The following FLG variants were observed in gnomAD, a reference collection of about 807,000 sequenced individuals.
FLG encodes epidermal filaggrin.
Under a neutral mutation model 3.8 loss-of-function variants are expected in FLG, and 6 were observed. The observed-to-expected ratio is 1.60, with a 90% CI of 0.87 to 3.15. The LOEUF (loss-of-function observed/expected upper bound fraction) is 3.15. Among genes scored for constraint, FLG ranks in the 30% most tolerant of loss-of-function variants. The pLI, the probability that FLG is intolerant of heterozygous loss-of-function variation, is 0.00. For missense variants in FLG, 7,595 were observed against 5,050.9 expected (o/e 1.50, Z -15.27); for synonymous variants, 2,551 against 1,931.6 (o/e 1.32, Z -8.41).
Position 152,309,170 on chromosome 1 carries a change from A to T in FLG, c.5716T>A (p.Ser1906Thr). Reference sequence around the variant, plus strand: ...TGGTTCCTGCTTGTCCTGGGCCCTGATGATTGTCCCTGGCCCACCTGCGAG... The same window carrying T: ...TGGTTCCTGCTTGTCCTGGGCCCTGTTGATTGTCCCTGGCCCACCTGCGAG... ...RHSQVGQGQSSGPRTSRNQGS... is the reference protein window; with the variant it reads ...RHSQVGQGQSTGPRTSRNQGS... The change falls in exon 3 of 3, where the codon TCA becomes ACA. Residue 1906 changes from serine to threonine, a missense_variant. Ser to Thr is a moderately conservative substitution (Grantham distance 58). Transcript: ENST00000368799. 2 of 1,583,886 alleles carry T rather than the reference A, an allele frequency of 1.3e-6. No individual in the cohort carries two copies. The highest frequency in any genetic ancestry group is 1.7e-6 in the Non-Finnish European group (2 of 1,169,808).
Position 152,308,380 on chromosome 1 carries a change from C to G in FLG, c.6506G>C (p.Ser2169Thr). 6.2e-7 allele frequency: 1 copy of G among 1,613,668 alleles called. No homozygotes were observed. Among genetic ancestry groups the G allele is most frequent in the Admixed American group, 1.7e-5 (1 of 59,974 alleles). ...AGACCTTCCCTGGGATGTGGTGTGG[C>G]TGTGATGAGACCCTGAGTGTCCAGA... is the stretch of plus-strand genomic sequence containing the variant. ...DRSGHSGSHH[S>T]HTTSQGRSDA... is the part of the protein sequence containing the mutation. Residue 2169 changes from serine to threonine, a missense_variant, in exon 3 of 3, where the codon AGC (serine) becomes ACC (threonine). Ser to Thr is a moderately conservative substitution (Grantham distance 58). Coordinates refer to ENST00000368799, the MANE Select transcript of FLG (RefSeq NM_002016.2).
Position 152,303,302 on chromosome 1 carries a change from T to G in FLG, c.11584A>C (p.Ser3862Arg), listed in dbSNP as rs1651715020. The change falls in exon 3 of 3, where the codon AGT becomes CGT. Residue 3862 changes from serine (S) to arginine (R), a missense_variant. By Grantham distance (110) the Ser-to-Arg change is moderately radical. Coordinates refer to ENST00000368799, the MANE Select transcript of FLG (RefSeq NM_002016.2). ...TCACTGTCACTGTCCTGGCTAACAC[T>G]GGATCCCTGGCGCCTGCTTCTCCTG... ...GSRRSRRQGSSVSQDSDSEAY... is the reference protein window; with the variant it reads ...GSRRSRRQGSRVSQDSDSEAY... 1 of 1,614,104 alleles carries G rather than the reference T, an allele frequency of 6.2e-7. No individual in the cohort carries two copies.
intron 1 of FLG, among the ~76,000 whole-genome samples, chr1:152,320,377 C>T (rs1270418303): frequency 2.0e-5 from 3 of 150,660 alleles, no homozygotes; most frequent in African/African-American, 7.3e-5. Context: ...TTATAAGAGA[C>T]ACACATAAAA....
chr1:152,310,501 G>C lies in FLG; in HGVS notation c.4385C>G (p.Thr1462Ser). 6.2e-7 allele frequency: 1 copy of C among 1,613,856 alleles called. No homozygotes were observed. Among genetic ancestry groups the C allele is most frequent in the African/African-American group, 1.3e-5 (1 of 74,948 alleles). The change falls in exon 3 of 3, where the codon ACT becomes AGT. Residue 1462 changes from threonine to serine, a missense_variant. Coordinates refer to ENST00000368799, the MANE Select transcript of FLG (RefSeq NM_002016.2). ...ATGGCGGGATCCTTGTCTTCCTCCA[G>C]TGCTGGGTGCAGTCTGTCCGTGTGT... The part of the protein sequence containing the change: ...ESTHGQTAPS[T>S]GGRQGSRHEQ...
Position 152,309,510 on chromosome 1 carries a change from G to T in FLG, c.5376C>A (p.Ser1792=), listed in dbSNP as rs1328728912. The change falls in exon 3 of 3, where the codon TCC becomes TCA. Residue 1792 remains serine, a synonymous_variant. Coordinates refer to ENST00000368799, the MANE Select transcript of FLG (RefSeq NM_002016.2). ...AGCTGTCTCGTGCCTGCTCGTGGCG[G>T]GATCTTTGTCTTCCTCCAGTGCTGG... ...TGPSTGGRQR[S]RHEQARDSSR... 11 of 1,613,748 alleles carry T rather than the reference G, an allele frequency of 6.8e-6. No individual in the cohort carries two copies. Among genetic ancestry groups the T allele is most frequent in the East Asian group, 4.5e-5 (2 of 44,814 alleles).
At position 152,308,357 on chromosome 1, in the gene FLG, A is replaced by G. The variant is rs768900373; in HGVS notation, c.6529T>C (p.Ser2177Pro). ...CCTGACTGCCCACGGGAGGCATCAG[A>G]CCTTCCCTGGGATGTGGTGTGGCTG... ...HHSHTTSQGR[S>P]DASRGQSGSR... The change falls in exon 3 of 3, where the codon TCT becomes CCT. Residue 2177 changes from serine to proline, a missense_variant. By Grantham distance (74) the Ser-to-Pro change is moderately conservative. Transcript: ENST00000368799. The G allele has an allele frequency of 2.0e-4, 329 of 1,612,166 alleles. No homozygotes were observed. The Admixed American group carries it at 5.4e-3, about 27-fold the overall frequency.
rs1317545176 is a variant in FLG, at chr1:152,309,031, T to A, written c.5855A>T (p.Asp1952Val). Residue 1952 changes from aspartate to valine, a missense_variant, in exon 3 of 3, where the codon GAT (aspartate) becomes GTT (valine). Coordinates refer to ENST00000368799, the MANE Select transcript of FLG (RefSeq NM_002016.2). The stretch of plus-strand genomic sequence containing the variant: ...ATGGGACCCAGGGTGTCTGGAGCCA[T>A]CTCTTGACTGCTCCCAAGCAGATCC... ...HLGSAWEQSRDGSRHPGSHHE... is the reference protein window; with the variant it reads ...HLGSAWEQSRVGSRHPGSHHE... 6.8e-6 allele frequency: 11 copies of A among 1,614,164 alleles called. No individual in the cohort carries two copies. Among genetic ancestry groups the A allele is most frequent in the Non-Finnish European group, 9.3e-6 (11 of 1,180,020 alleles).
Position 152,305,136 on chromosome 1 carries a change from G to A in FLG, c.9750C>T (p.Gly3250=), listed in dbSNP as rs149040723. Residue 3250 remains glycine, a synonymous_variant, in exon 3 of 3, where the codon GGC becomes GGT. Coordinates refer to ENST00000368799, the MANE Select transcript of FLG (RefSeq NM_002016.2). ...CGTGATGGGACCTGGGGTGTCTGGA[G>A]CCGTGCCTTGACTGCTCCTGAACAG... The part of the protein sequence containing the change: ...RGSVQEQSRH[G]SRHPRSHHED... 1.9e-6 allele frequency: 3 copies of A among 1,613,930 alleles called. No individual in the cohort carries two copies. The highest frequency in any genetic ancestry group is 2.5e-6 in the Non-Finnish European group (3 of 1,179,986).
chr1:152,312,768 T>G lies in FLG; in HGVS notation c.2118A>C (p.Glu706Asp), dbSNP rs754037449. The change falls in exon 3 of 3, where the codon GAA becomes GAC. Residue 706 changes from glutamate to aspartate, a missense_variant. Physicochemically the swap from Glu to Asp is conservative, Grantham distance 45. Coordinates refer to ENST00000368799, the MANE Select transcript of FLG (RefSeq NM_002016.2). ...GGAGCTGGTGGCGGGATCCATGTCT[T>G]TCTCCTGCACTTGATCTTGCCTGTT... ...SHEQARSSAG[E>D]RHGSRHQLQS... 9.3e-6 allele frequency: 15 copies of G among 1,613,994 alleles called. 1 individual carries two copies. In the South Asian group the frequency reaches 1.4e-4, roughly 15 times the overall value.
Position 152,312,214 on chromosome 1 carries a change from C to T in FLG, c.2672G>A (p.Ser891Asn). The T allele has an allele frequency of 6.2e-7, 1 of 1,613,638 alleles. No homozygotes were observed. The highest frequency in any genetic ancestry group is 8.5e-7 in the Non-Finnish European group (1 of 1,179,954). ...CTCATTACGTGTTGTTCTGCTTGCA[C>T]TTCTGGATCCTGACTGCCCACGGGA... ...DASRGQSGSR[S>N]ASRTTRNEEQ... is the part of the protein sequence containing the mutation. Residue 891 changes from serine (S) to asparagine (N), a missense_variant, in exon 3 of 3, where the codon AGT becomes AAT. Transcript: ENST00000368799.
Position 152,313,664 on chromosome 1 carries a change from C to G in FLG, c.1222G>C (p.Ala408Pro). The change falls in exon 3 of 3, where the codon GCA (alanine) becomes CCA (proline). Residue 408 changes from alanine to proline, a missense_variant. Physicochemically the swap from Ala to Pro is conservative, Grantham distance 27. Transcript: ENST00000368799. ...CCCCGGTGTCCACGATCGCTGACTG[C>G]AGATGAAGCTTGCCCGCGCCCAGTG... ...SATGRGQASS[A>P]VSDRGHRGSS... 1 of 1,613,998 alleles carries G rather than the reference C, an allele frequency of 6.2e-7. No homozygotes were observed. The highest frequency in any genetic ancestry group is 2.2e-5 in the East Asian group (1 of 44,872).
In FLG at chr1:152,310,488, T is replaced by C; in HGVS notation, c.4398A>G (p.Gln1466=). ...TTCGTGCCTGCTCATGGCGGGATCC[T>C]TGTCTTCCTCCAGTGCTGGGTGCAG... ...GQTAPSTGGR[Q]GSRHEQARNS... is the part of the protein sequence containing the mutation. The change falls in exon 3 of 3, where the codon CAA becomes CAG. Residue 1466 remains glutamine, a synonymous_variant. Coordinates refer to ENST00000368799, the MANE Select transcript of FLG (RefSeq NM_002016.2). 6.2e-7 allele frequency: 1 copy of C among 1,613,662 alleles called. No homozygotes were observed. The highest frequency in any genetic ancestry group is 8.5e-7 in the Non-Finnish European group (1 of 1,179,806).
chr1:152,316,454 A>G (rs1051372525), intron 1 of FLG, among the ~76,000 whole-genome samples: 1 of 152,088 alleles, frequency 6.6e-6, no homozygotes, highest in South Asian at 2.1e-4. Context: ...AAGCATAGAA[A>G]AAGAAGGGTA....
chr1:152,307,457 G>C lies in FLG; in HGVS notation c.7429C>G (p.His2477Asp). ...GSSSGGRQGS[H>D]YEQLVDRSGH... Reference sequence around the variant, plus strand: ...GATCTATCTACCAATTGCTCGTAGTGGGATCCCTGCCTTCCTCCACTGCTT... The same window carrying C: ...GATCTATCTACCAATTGCTCGTAGTCGGATCCCTGCCTTCCTCCACTGCTT... Residue 2477 changes from histidine (H) to aspartate (D), a missense_variant, in exon 3 of 3, where the codon CAC (histidine) becomes GAC (aspartate). His to Asp is a moderately conservative substitution (Grantham distance 81, BLOSUM62 -1). Transcript: ENST00000368799. 2.5e-6 allele frequency: 4 copies of C among 1,613,236 alleles called. No homozygotes were observed. The highest frequency in any genetic ancestry group is 3.4e-6 in the Non-Finnish European group (4 of 1,179,714).
intron 1 of FLG, among the ~76,000 whole-genome samples, chr1:152,324,066 A>C (rs972473937): frequency 6.6e-6 from 1 of 150,948 alleles, no homozygotes; most frequent in Admixed American, 6.7e-5. Flanking sequence ...TGATGAGAAA[A>C]CAGGAATCAT....
chr1:152,316,511 A>G (rs368917963), intron 1 of FLG, among the ~76,000 whole-genome samples: 1 of 152,154 alleles, frequency 6.6e-6, no homozygotes, highest in East Asian at 1.9e-4. Context: ...TAATTTTATT[A>G]TTACTAATTA....
Position 152,308,040 on chromosome 1 carries a change from G to C in FLG, c.6846C>G (p.Pro2282=), listed in dbSNP as rs761431318. The C allele has an allele frequency of 6.2e-7, 1 of 1,614,142 alleles. No homozygotes were observed. Among genetic ancestry groups the C allele is most frequent in the South Asian group, 1.1e-5 (1 of 91,080 alleles). ...CGGCTCTGTCTTCGTGATGGGACCTGGGGTGTCTGGAGCCATCTCTTGACT... is the reference window on the plus strand; with the variant it reads ...CGGCTCTGTCTTCGTGATGGGACCTCGGGTGTCTGGAGCCATCTCTTGACT... The part of the protein sequence containing the change: ...QEQSRDGSRH[P]RSHHEDRAGH... The change falls in exon 3 of 3, where the codon CCC becomes CCG. Residue 2282 remains proline (P), a synonymous_variant. Coordinates refer to ENST00000368799, the MANE Select transcript of FLG (RefSeq NM_002016.2).
rs71626704 is a variant in FLG, at chr1:152,308,841, G to T, written c.6045C>A (p.Asp2015Glu). The change falls in exon 3 of 3, where the codon GAC (aspartate) becomes GAA (glutamate). Residue 2015 changes from aspartate to glutamate, a missense_variant. Physicochemically the swap from Asp to Glu is conservative, Grantham distance 45. Coordinates refer to ENST00000368799, the MANE Select transcript of FLG (RefSeq NM_002016.2). The part of the protein sequence containing the change: ...HGSHHQLQSA[D>E]SSRHSGIGHG... ...GCCCAATGCCTGAGTGTCTGGAGCT[G>T]TCTGCTGACTGGAGCTGGTGGTGGG... The T allele has an allele frequency of 0.024, 38,685 of 1,614,114 alleles. 689 individuals carry two copies. Among genetic ancestry groups the T allele is most frequent in the South Asian group, 0.055 (5,019 of 91,054 alleles).
chr1:152,321,467 A>C (rs535774663), intron 1 of FLG, among the ~76,000 whole-genome samples: 2 of 151,196 alleles, frequency 1.3e-5, no homozygotes. Flanking sequence ...CAATATCAGG[A>C]AAGTAAAAGG....
Sources: allele counts gnomAD v4.1 joint callset (sites outside exome capture counted in the v4.1 genomes callset), GRCh38; gene constraint gnomAD v4.1.1; transcripts MANE v1.5; gene names NCBI Gene and HGNC (gene_info 2026-07-23, HGNC 2026-07-21).